The following PALS2 variants were observed in gnomAD, a reference collection of about 807,000 sequenced individuals.
PALS2 encodes protein associated with LIN7 2, MAGUK p55 family member.
A neutral mutation model predicts 61.6 loss-of-function variants in PALS2; 27 were observed. That is an observed-to-expected ratio of 0.44 (90% CI 0.32 to 0.60). The LOEUF (loss-of-function observed/expected upper bound fraction) is 0.60, where lower values mean the gene tolerates loss of function less well. PALS2 is among the 20% of genes least tolerant of loss of function. The pLI, the probability that PALS2 is intolerant of heterozygous loss-of-function variation, is 0.05. For missense variants in PALS2, 554 were observed against 639.4 expected (o/e 0.87, Z 1.44); for synonymous variants, 236 against 218.6 (o/e 1.08, Z -0.70).
intron 1 of PALS2, among the ~76,000 whole-genome samples, chr7:24,620,831 A>T (rs1784472336): frequency 6.6e-6 from 1 of 152,192 alleles, no homozygotes; most frequent in African/African-American, 2.4e-5. Context: ...AAGTTATATA[A>T]GGTAGAAAGT....
At chr7:24,662,141 G>C (rs964496901) in intron 5 of PALS2, among the ~76,000 whole-genome samples, 3 of 152,144 alleles carry the variant, frequency 2.0e-5, no homozygotes, top group Admixed American at 2.0e-4. Flanking sequence ...AGCTTTTCTA[G>C]AGTAGTTGAA....
intron 5 of PALS2, among the ~76,000 whole-genome samples, chr7:24,652,717 C>A (rs1452390602): frequency 6.6e-6 from 1 of 152,112 alleles, no homozygotes; most frequent in Non-Finnish European, 1.5e-5. Context: ...TTTGCGTCTT[C>A]AACTCTTTCA....
intron 9 of PALS2, among the ~76,000 whole-genome samples, chr7:24,676,409 G>T (rs1368587899): frequency 6.6e-6 from 1 of 151,876 alleles, no homozygotes; most frequent in Non-Finnish European, 1.5e-5. Context: ...TTTGTCTTTT[G>T]TTGCCATTGC....
chr7:24,641,506 A>G (rs1160233119), intron 2 of PALS2, among the ~76,000 whole-genome samples: 1 of 152,098 alleles, frequency 6.6e-6, no homozygotes, highest in Non-Finnish European at 1.5e-5. Context: ...CATGACTTTC[A>G]GGATAGAACT....
chr7:24,625,569 C>T (rs967143256), intron 2 of PALS2, among the ~76,000 whole-genome samples: 4 of 152,288 alleles, frequency 2.6e-5, no homozygotes, highest in Admixed American at 2.6e-4. Context: ...CTGTGTTCTA[C>T]CTACTCCAAC....
At chr7:24,619,174 T>A (rs559217953) in intron 1 of PALS2, among the ~76,000 whole-genome samples, 10 of 152,356 alleles carry the variant, frequency 6.6e-5, no homozygotes, top group Non-Finnish European at 1.3e-4. Flanking sequence ...TTGCCCTTTT[T>A]TAATGGGAGT....
At chr7:24,673,736 C>T (rs1363840863) in intron 9 of PALS2, among the ~76,000 whole-genome samples, 1 of 151,968 alleles carries the variant, frequency 6.6e-6, no homozygotes, top group African/African-American at 2.4e-5. Flanking sequence ...TTTCGGACAA[C>T]CAAATTTTGC....
At chr7:24,651,776 A>G (rs1330768169) in intron 5 of PALS2, among the ~76,000 whole-genome samples, 2 of 152,212 alleles carry the variant, frequency 1.3e-5, no homozygotes, top group Non-Finnish European at 2.9e-5. Context: ...CTTACATAAG[A>G]TACTGCCAGT....
intron 1 of PALS2, among the ~76,000 whole-genome samples, chr7:24,574,858 A>G (rs1346654918): frequency 6.6e-6 from 1 of 152,164 alleles, no homozygotes; most frequent in East Asian, 1.9e-4. Context: ...TGCGGTATAT[A>G]GTTTCCGTAT....
At chr7:24,607,395 AATC>A (rs1268738977) in intron 1 of PALS2, among the ~76,000 whole-genome samples, 2 of 151,964 alleles carry the variant, frequency 1.3e-5, no homozygotes, top group Non-Finnish European at 2.9e-5. Flanking sequence ...ACAATTGAAA[AATC>A]ATGTATCCTT....
intron 3 of PALS2, 143 bp downstream of exon 3, chr7:24,642,011 A>G (rs1462742171): frequency 4.8e-6 from 4 of 829,712 alleles, no homozygotes; most frequent in Non-Finnish European, 7.6e-6. Flanking sequence ...TTGGTATTTT[A>G]ATGTCCTCAT....
At chr7:24,683,750 C>G (rs1377444543) in intron 11 of PALS2, among the ~76,000 whole-genome samples, 1 of 152,066 alleles carries the variant, frequency 6.6e-6, no homozygotes, top group Non-Finnish European at 1.5e-5. Flanking sequence ...TTTATGTGGA[C>G]AGTGCTAGCA....
intron 5 of PALS2, among the ~76,000 whole-genome samples, chr7:24,654,249 C>T (rs1786303574): frequency 6.7e-6 from 1 of 150,322 alleles, no homozygotes; most frequent in Non-Finnish European, 1.5e-5. Flanking sequence ...TGCTCACTAG[C>T]ACCACTTATA....
chr7:24,661,332 A>G (rs1033930766), intron 5 of PALS2, among the ~76,000 whole-genome samples: 5 of 135,264 alleles, frequency 3.7e-5, no homozygotes, highest in African/African-American at 1.5e-4. Flanking sequence ...TTAATTAATG[A>G]AAAAAAAAAA....
intron 5 of PALS2, among the ~76,000 whole-genome samples, chr7:24,651,844 TAC>T (rs1786168833): frequency 6.6e-6 from 1 of 152,252 alleles, no homozygotes; most frequent in Non-Finnish European, 1.5e-5. Flanking sequence ...TACATTTCCA[TAC>T]AGTTATTTGA....
intron 3 of PALS2, among the ~76,000 whole-genome samples, chr7:24,643,586 C>G (rs1333078864): frequency 6.6e-6 from 1 of 151,928 alleles, no homozygotes; most frequent in East Asian, 1.9e-4. Context: ...CATTTGATAC[C>G]ACAATATTAT....
rs528772846 is a variant in PALS2, at chr7:24,688,457, A to G, written c.*843A>G. On this transcript the variant is annotated 3_prime_UTR_variant, in exon 12 of 12. Coordinates refer to ENST00000222644, the MANE Select transcript of PALS2 (RefSeq NM_001303037.2). ...TTGAAGAAAGTTTATTTTCACATGT[A>G]AAATTTTGACTGACAAAAGGAACCT... The G allele has an allele frequency of 3.3e-4, 50 of 152,328 alleles. No individual in the cohort carries two copies. Among genetic ancestry groups the G allele is most frequent in the African/African-American group, 1.1e-3 (47 of 41,582 alleles). 9.4% of individuals were successfully genotyped at this position (152,328 alleles called of 1,614,324 possible).
intron 3 of PALS2, among the ~76,000 whole-genome samples, chr7:24,646,360 G>A (rs1257399209): frequency 6.6e-6 from 1 of 152,178 alleles, no homozygotes; most frequent in South Asian, 2.1e-4. Context: ...TTTTTAACAT[G>A]AAGGGTTGTT....
intron 5 of PALS2, among the ~76,000 whole-genome samples, chr7:24,663,188 A>G (rs1325543245): frequency 6.6e-6 from 1 of 152,222 alleles, no homozygotes; most frequent in East Asian, 1.9e-4. Context: ...ACAGAGTTCT[A>G]ATACATCTGA....
Sources: allele counts gnomAD v4.1 joint callset (sites outside exome capture counted in the v4.1 genomes callset), GRCh38; gene constraint gnomAD v4.1.1; transcripts MANE v1.5; gene names NCBI Gene and HGNC (gene_info 2026-07-23, HGNC 2026-07-21).